SGCZ: variants seen among roughly 807,000 people sequenced by gnomAD.
SGCZ encodes sarcoglycan zeta, also known as zeta-sarcoglycan.
Under a neutral mutation model 41.3 loss-of-function variants are expected in SGCZ, and 40 were observed. The observed-to-expected ratio is 0.97, with a 90% CI of 0.75 to 1.26. SGCZ has a LOEUF of 1.26. SGCZ is among the 50% of genes most tolerant of loss of function. The probability of loss-of-function intolerance (pLI) is 0.00; values close to 1 mark genes in which losing one functional copy is unlikely to be tolerated. For missense variants in SGCZ, 552 were observed against 369.8 expected, an observed-to-expected ratio of 1.49 and a Z score of -4.04; for synonymous variants, 206 against 137.5, an observed-to-expected ratio of 1.50 and a Z score of -3.49.
chr8:14,555,102 G>A (rs191412335), intron 1 of SGCZ, among the ~76,000 whole-genome samples, 176 bp from the exon 2 acceptor site: 1 of 151,932 alleles, frequency 6.6e-6, no homozygotes, highest in African/African-American at 2.4e-5. Flanking sequence ...GAATCATTTT[G>A]TTCAATATAG....
intron 1 of SGCZ, among the ~76,000 whole-genome samples, chr8:14,742,408 T>G (rs1167397557): frequency 6.6e-6 from 1 of 152,088 alleles, no homozygotes; most frequent in Non-Finnish European, 1.5e-5. Context: ...CACATTGCCT[T>G]TTCTTAGTCT....
intron 1 of SGCZ, among the ~76,000 whole-genome samples, chr8:15,010,307 A>G (rs1802779459): frequency 6.6e-6 from 1 of 152,214 alleles, no homozygotes; most frequent in African/African-American, 2.4e-5. Flanking sequence ...AAATAACATT[A>G]TTAGTTTCTG....
At chr8:14,987,280 C>G (rs898349598) in intron 1 of SGCZ, among the ~76,000 whole-genome samples, 4 of 151,806 alleles carry the variant, frequency 2.6e-5, no homozygotes, top group Non-Finnish European at 5.9e-5. Flanking sequence ...CATCAAAACA[C>G]TAAAAATTTC....
intron 1 of SGCZ, among the ~76,000 whole-genome samples, chr8:15,119,507 G>C (rs979302575): frequency 2.0e-5 from 3 of 148,452 alleles, no homozygotes; most frequent in Admixed American, 1.3e-4. Flanking sequence ...ACTCAGCCTA[G>C]GCAACAGAGA....
chr8:14,723,864 T>C (rs1809969146), intron 1 of SGCZ, among the ~76,000 whole-genome samples: 1 of 152,076 alleles, frequency 6.6e-6, no homozygotes, highest in Non-Finnish European at 1.5e-5. Flanking sequence ...TCTCCAAACA[T>C]TCTATAAATA....
chr8:15,061,254 A>T (rs1804917308), intron 1 of SGCZ, among the ~76,000 whole-genome samples: 1 of 141,808 alleles, frequency 7.1e-6, no homozygotes, highest in African/African-American at 2.5e-5. Context: ...AGCCCCTACA[A>T]ATAGGGCTTA....
At chr8:14,811,518 CTTTTT>C (rs71209087) in intron 1 of SGCZ, among the ~76,000 whole-genome samples, 3 of 49,744 alleles carry the variant, frequency 6.0e-5, no homozygotes, top group African/African-American at 2.3e-4. Context: ...GACACTGCAT[CTTTTT>C]TTTTTTTTTT....
intron 1 of SGCZ, among the ~76,000 whole-genome samples, chr8:14,614,351 C>A (rs1806025744): frequency 6.6e-6 from 1 of 152,068 alleles, no homozygotes. Context: ...TATCAACCGC[C>A]TATAAATTTA....
At chr8:14,134,966 G>A (rs973128382) in intron 5 of SGCZ, among the ~76,000 whole-genome samples, 44 of 152,164 alleles carry the variant, frequency 2.9e-4, no homozygotes, top group African/African-American at 9.6e-4. Flanking sequence ...ACACAGTAGC[G>A]TATCCACTTA....
chr8:15,037,930 A>C (rs1440099373), intron 1 of SGCZ, among the ~76,000 whole-genome samples: 1 of 152,122 alleles, frequency 6.6e-6, no homozygotes, highest in Non-Finnish European at 1.5e-5. Context: ...TGTATACTGA[A>C]AATTATAAAA....
chr8:14,282,957 C>G (rs1585317092), intron 3 of SGCZ, among the ~76,000 whole-genome samples: 1 of 146,952 alleles, frequency 6.8e-6, no homozygotes. Flanking sequence ...TCACGCCATT[C>G]TCCTGCCTCA....
intron 2 of SGCZ, among the ~76,000 whole-genome samples, chr8:14,399,646 T>C (rs1321822818): frequency 2.6e-5 from 4 of 152,260 alleles, no homozygotes; most frequent in Admixed American, 2.0e-4. Context: ...TTCAACTGTA[T>C]AATGAATATT....
intron 1 of SGCZ, among the ~76,000 whole-genome samples, chr8:14,900,689 A>T (rs1798943725): frequency 6.6e-6 from 1 of 152,196 alleles, no homozygotes; most frequent in Non-Finnish European, 1.5e-5. Context: ...ACTCATGTTG[A>T]ATATCCTCTC....
intron 5 of SGCZ, among the ~76,000 whole-genome samples, chr8:14,155,220 T>C (rs1038528890): frequency 6.6e-6 from 1 of 152,208 alleles, no homozygotes; most frequent in Non-Finnish European, 1.5e-5. Context: ...TCTTCCAAAA[T>C]GTTTCTCAAT....
chr8:14,350,982 C>T (rs1467565724), intron 2 of SGCZ, among the ~76,000 whole-genome samples: 1 of 152,102 alleles, frequency 6.6e-6, no homozygotes, highest in African/African-American at 2.4e-5. Context: ...TTCCATTGCT[C>T]ATGTCTATGC....
intron 3 of SGCZ, among the ~76,000 whole-genome samples, chr8:14,257,401 AG>A (rs1197518440): frequency 6.6e-6 from 1 of 151,990 alleles, no homozygotes; most frequent in Non-Finnish European, 1.5e-5. Context: ...AAACCTAAAC[AG>A]GTTTCCTCTT....
chr8:14,476,481 A>G (rs894654539), intron 2 of SGCZ, among the ~76,000 whole-genome samples: 1 of 151,994 alleles, frequency 6.6e-6, no homozygotes, highest in East Asian at 1.9e-4. Flanking sequence ...ATTTATTATA[A>G]TAATAAAAAT....
intron 1 of SGCZ, among the ~76,000 whole-genome samples, chr8:15,121,647 A>G (rs1807481634): frequency 6.6e-6 from 1 of 152,210 alleles, no homozygotes. Flanking sequence ...GAGTTAGAGA[A>G]GATCTCATGC....
chr8:14,452,700 G>C (rs910811591), intron 2 of SGCZ, among the ~76,000 whole-genome samples: 1 of 151,976 alleles, frequency 6.6e-6, no homozygotes, highest in African/African-American at 2.4e-5. Context: ...CGGGAGATAG[G>C]GTGTATATTG....
Sources: gnomAD v4.1 joint callset for allele counts (sites outside exome capture counted in the v4.1 genomes callset) on GRCh38, gnomAD v4.1.1 for gene constraint, MANE v1.5 for transcripts, NCBI Gene and HGNC (gene_info 2026-07-23, HGNC 2026-07-21) for gene names.